TAB2: variants seen among roughly 807,000 people sequenced by gnomAD.
TAB2 encodes the protein TGF-beta activated kinase 1 (MAP3K7) binding protein 2.
Under a neutral mutation model 65.0 loss-of-function variants are expected in TAB2, and 3 were observed. That is an observed-to-expected ratio of 0.05 (90% CI 0.02 to 0.12). The LOEUF (loss-of-function observed/expected upper bound fraction) is 0.12. Ranked by LOEUF, TAB2 falls within the 10% of genes least tolerant of loss-of-function variation. The pLI, the probability that TAB2 is intolerant of heterozygous loss-of-function variation, is 1.00. For missense variants in TAB2, 623 were observed against 840.3 expected (o/e 0.74, Z 3.20); for synonymous variants, 298 against 285.1 (o/e 1.05, Z -0.46).
At chr6:149,391,637 G>A (rs1021805867) in intron 3 of TAB2, among the ~76,000 whole-genome samples, 1 of 151,998 alleles carries the variant, frequency 6.6e-6, no homozygotes, top group African/African-American at 2.4e-5. Context: ...GACCTCCCAG[G>A]CTCAAATGAT....
chr6:149,229,544 A>G (rs1275262898), intron 1 of TAB2, among the ~76,000 whole-genome samples: 2 of 152,066 alleles, frequency 1.3e-5, no homozygotes, highest in Admixed American at 6.5e-5. Flanking sequence ...TACACTGTGC[A>G]GAATGAGCAG....
At position 149,329,779 on chromosome 6, in the gene TAB2, T is replaced by TA. The variant is rs529621778; in HGVS notation, c.-90+11765dup. 1.1e-4 allele frequency among the ~76,000 whole-genome samples: 17 copies of TA among 152,232 alleles called. No homozygotes were observed. In the South Asian group the frequency reaches 3.3e-3, roughly 30 times the overall value. On this transcript the variant is annotated intron_variant, in intron 1 of 6. Transcript: ENST00000637181. The stretch of plus-strand genomic sequence containing the variant: ...ACTTTAGATTTTACTCAGGATGGGG[T>TA]AGGAAGTCACCAAAGGGCTTTAAGA...
At chr6:149,334,213 C>T (rs539175142) in intron 1 of TAB2, among the ~76,000 whole-genome samples, 1 of 152,250 alleles carries the variant, frequency 6.6e-6, no homozygotes, top group South Asian at 2.1e-4. Flanking sequence ...ATTCTTCATC[C>T]TCAGGTCTCC....
chr6:149,254,842 G>A (rs1777977631), intron 1 of TAB2, among the ~76,000 whole-genome samples: 1 of 152,210 alleles, frequency 6.6e-6, no homozygotes, highest in Non-Finnish European at 1.5e-5. Context: ...ATAGAAAAAT[G>A]CCTGATGATA....
chr6:149,283,878 T>C lies in TAB2; in HGVS notation c.-121+65102T>C, dbSNP rs369118721. 3.1e-4 allele frequency among the ~76,000 whole-genome samples: 47 copies of C among 152,262 alleles called. No homozygotes were observed. In the South Asian group the frequency reaches 9.5e-3, roughly 31 times the overall value. On this transcript the variant is annotated intron_variant, in intron 1 of 1. Coordinates refer to the TAB2 transcript ENST00000606202. ...TTTTAAAAACATTTTTAAAGTATAA[T>C]AAAAATCACTAAAATCAATGAGGTG... is the stretch of plus-strand genomic sequence containing the variant.
At chr6:149,317,708 A>C (rs2114719265), upstream of TAB2, 1 of 158,010 alleles carries the variant, frequency 6.3e-6, no homozygotes, top group South Asian at 1.5e-4. The surrounding 1 kb of genome is among the most constrained non-coding windows in gnomAD (Gnocchi z 4.7). Context: ...GACGCCGCCC[A>C]GCCGTCGTTT....
At chr6:149,364,458 C>G (rs1293963735) in intron 1 of TAB2, among the ~76,000 whole-genome samples, 1 of 152,042 alleles carries the variant, frequency 6.6e-6, no homozygotes, top group East Asian at 1.9e-4. Flanking sequence ...AGATGGCAGG[C>G]AGCAGACCGA....
intron 1 of TAB2, among the ~76,000 whole-genome samples, chr6:149,259,326 G>A (rs1041607294): frequency 1.5e-5 from 2 of 130,268 alleles, no homozygotes; most frequent in Non-Finnish European, 3.2e-5. Context: ...CCTATAGCAC[G>A]CTCCCTCTAC....
chr6:149,370,137 C>T, intron 2 of TAB2, 38 bp downstream of exon 2: 2 of 1,538,904 alleles, frequency 1.3e-6, no homozygotes, highest in Non-Finnish European at 1.8e-6. Flanking sequence ...TTAATACAAA[C>T]CTGGTATTTT....
At chr6:149,290,186 T>C (rs1778750865) in intron 1 of TAB2, among the ~76,000 whole-genome samples, 2 of 152,184 alleles carry the variant, frequency 1.3e-5, no homozygotes, top group Non-Finnish European at 2.9e-5. Context: ...CTTCCCACCA[T>C]GGCCTGAACT....
intron 2 of TAB2, among the ~76,000 whole-genome samples, chr6:149,374,571 G>A (rs1781340002): frequency 6.6e-6 from 1 of 152,202 alleles, no homozygotes; most frequent in African/African-American, 2.4e-5. Flanking sequence ...CACCCCTAAT[G>A]AAATAGTGTT....
chr6:149,306,357 G>A (rs181552692), intron 1 of TAB2, among the ~76,000 whole-genome samples: 17 of 152,072 alleles, frequency 1.1e-4, no homozygotes, highest in Admixed American at 2.6e-4. Context: ...TGGCTAACAC[G>A]GTGAAACCCC....
intron 6 of TAB2, among the ~76,000 whole-genome samples, chr6:149,406,593 A>G (rs1369984433): frequency 2.0e-5 from 3 of 152,228 alleles, no homozygotes; most frequent in African/African-American, 7.2e-5. Context: ...AGGAAAAGAA[A>G]AAGAAATGGG....
intron 2 of TAB2, among the ~76,000 whole-genome samples, chr6:149,377,075 T>C (rs1300783294): frequency 1.3e-5 from 2 of 149,826 alleles, no homozygotes; most frequent in South Asian, 4.2e-4. Context: ...AACTTATTTT[T>C]TTTTTTTTTT....
intron 1 of TAB2, among the ~76,000 whole-genome samples, chr6:149,220,119 A>G (rs1242710828): frequency 6.6e-6 from 1 of 152,244 alleles, no homozygotes; most frequent in African/African-American, 2.4e-5. Context: ...TTGACTTAAT[A>G]GAAGACAGCG....
intron 3 of TAB2, among the ~76,000 whole-genome samples, chr6:149,380,538 T>C (rs1430717124): frequency 1.3e-5 from 2 of 152,240 alleles, no homozygotes; most frequent in South Asian, 2.1e-4. Context: ...TTCTGTCATA[T>C]GTTTTATCTA....
intron 1 of TAB2, among the ~76,000 whole-genome samples, chr6:149,288,353 A>G (rs979210007): frequency 6.6e-6 from 1 of 152,142 alleles, no homozygotes; most frequent in Non-Finnish European, 1.5e-5. Flanking sequence ...CTCCTGCCCC[A>G]TTGTAGACTC....
intron 1 of TAB2, among the ~76,000 whole-genome samples, chr6:149,340,749 T>C (rs1217657327): frequency 1.3e-5 from 2 of 152,196 alleles, no homozygotes; most frequent in African/African-American, 4.8e-5. Flanking sequence ...TAATTCAGTC[T>C]TATCATCTAA....
intron 3 of TAB2, among the ~76,000 whole-genome samples, chr6:149,391,517 T>C (rs1021429276): frequency 6.6e-5 from 10 of 152,034 alleles, no homozygotes; most frequent in Non-Finnish European, 7.4e-5. Flanking sequence ...CTTCAGTATA[T>C]TTCACGTCTT....
Sources: gnomAD v4.1 joint callset for allele counts (sites outside exome capture counted in the v4.1 genomes callset) on GRCh38, gnomAD v4.1.1 for gene constraint, Gnocchi (gnomAD v3.1) non-coding constraint, MANE v1.5 for transcripts, NCBI Gene and HGNC (gene_info 2026-07-23, HGNC 2026-07-21) for gene names.